Variants in PPP3CA observed in about 807,000 individuals in gnomAD.
The protein encoded by PPP3CA is CAM-PRP catalytic subunit.
A neutral mutation model predicts 66.5 loss-of-function variants in PPP3CA; 14 were observed. The ratio of observed to expected loss-of-function variants is 0.21; its 90% CI spans 0.14 to 0.33. The LOEUF (loss-of-function observed/expected upper bound fraction) is 0.33. PPP3CA is among the 10% of genes least tolerant of loss of function. PPP3CA has a pLI of 1.00. For missense variants in PPP3CA, 317 were observed against 639.5 expected, an observed-to-expected ratio of 0.50 and a Z score of 5.44; for synonymous variants, 232 against 226.2, an observed-to-expected ratio of 1.03 and a Z score of -0.23.
intron 1 of PPP3CA, among the ~76,000 whole-genome samples, chr4:101,332,831 G>T (rs1729432174): frequency 6.6e-6 from 1 of 152,178 alleles, no homozygotes; most frequent in African/African-American, 2.4e-5. Context: ...GAGGACAGAG[G>T]ATTTAAATAC....
chr4:101,082,073 G>T (rs949247101), intron 7 of PPP3CA, among the ~76,000 whole-genome samples: 1 of 152,206 alleles, frequency 6.6e-6, no homozygotes, highest in Non-Finnish European at 1.5e-5. Flanking sequence ...GGTAGGTAGT[G>T]CAATCAGGAT....
chr4:101,290,963 C>T (rs1728004278), intron 1 of PPP3CA, among the ~76,000 whole-genome samples: 1 of 152,182 alleles, frequency 6.6e-6, no homozygotes, highest in Admixed American at 6.5e-5. Flanking sequence ...TTGGTGTGAA[C>T]AGGCAAGGCT....
chr4:101,170,960 G>C (rs1293685350), intron 2 of PPP3CA: 2 of 273,856 alleles, frequency 7.3e-6, no homozygotes, highest in Non-Finnish European at 7.3e-6. Flanking sequence ...AATCATTTTG[G>C]TATTTTTTAA....
At chr4:101,228,363 A>G (rs1414605574) in intron 1 of PPP3CA, among the ~76,000 whole-genome samples, 2 of 151,602 alleles carry the variant, frequency 1.3e-5, no homozygotes, top group Non-Finnish European at 3.0e-5. Context: ...ACAATTCAAA[A>G]TTATGAACAC....
At chr4:101,281,223 G>A (rs1037991728) in intron 1 of PPP3CA, among the ~76,000 whole-genome samples, 2 of 152,252 alleles carry the variant, frequency 1.3e-5, no homozygotes, top group Non-Finnish European at 2.9e-5. Flanking sequence ...AAGAATGGGA[G>A]AAGAGCAATT....
Position 101,099,609 on chromosome 4 carries a change from A to T in PPP3CA, c.496+2T>A. On this transcript the variant is annotated splice_donor_variant, in intron 4 of 13. Transcript: ENST00000394854. LOFTEE classifies it high-confidence loss of function. ...AAAGGAAGGAGGTTGAAGTATACTT[A>T]CATTCTTGTTTAAATGTGAAATACT... 6.5e-7 allele frequency: 1 copy of T among 1,532,982 alleles called. No homozygotes were observed. Among genetic ancestry groups the T allele is most frequent in the Non-Finnish European group, 8.9e-7 (1 of 1,119,986 alleles). The allele number at this position is 1,532,982 out of a possible 1,614,324, so 95.0% of individuals were successfully genotyped here. A position where few individuals can be genotyped will look rare whatever the true frequency, so the allele number is the denominator to read the frequency against.
chr4:101,043,191 A>G (rs1468574607), intron 10 of PPP3CA, among the ~76,000 whole-genome samples: 1 of 152,164 alleles, frequency 6.6e-6, no homozygotes, highest in Non-Finnish European at 1.5e-5. Flanking sequence ...TGAGAGGAGG[A>G]ACATATAAAA....
rs1302833409 is a variant in PPP3CA at position 101,030,567 on chromosome 4, G to GA, written c.1340-1373dup. Among the ~76,000 whole-genome samples the GA allele has an allele frequency of 2.0e-5, 3 of 151,880 alleles. No homozygotes were observed. The East Asian group carries it at 5.8e-4, about 29-fold the overall frequency. ...GTGTTTGTGTGTAGGTTGAACCATA[G>GA]AAAAACACAAACCAATGGATTTAAA... On this transcript the variant is annotated intron_variant, in intron 12 of 13. Transcript: ENST00000394854.
At chr4:101,029,477 T>C (rs1726840243) in intron 12 of PPP3CA, among the ~76,000 whole-genome samples, 3 of 151,842 alleles carry the variant, frequency 2.0e-5, no homozygotes. Flanking sequence ...CAAACAACCC[T>C]TTAGGAAAAC....
intron 2 of PPP3CA, among the ~76,000 whole-genome samples, chr4:101,143,964 C>T (rs1222201966): frequency 3.3e-5 from 5 of 152,176 alleles, no homozygotes; most frequent in South Asian, 4.1e-4. Context: ...TATCAAGTCA[C>T]ATAAACCAGT....
chr4:101,035,791 ATC>A (rs1253488485), intron 11 of PPP3CA, among the ~76,000 whole-genome samples: 5 of 151,996 alleles, frequency 3.3e-5, no homozygotes, highest in African/African-American at 1.2e-4. Context: ...AATTCCAACT[ATC>A]TCTGCTGAAT....
chr4:101,341,243 G>C (rs1438592541), intron 1 of PPP3CA, among the ~76,000 whole-genome samples: 10 of 134,414 alleles, frequency 7.4e-5, no homozygotes, highest in Non-Finnish European at 6.2e-5. Flanking sequence ...GTCTTGCTAT[G>C]TTGCCCAAGC....
chr4:101,147,412 TG>T (rs1316718621), intron 2 of PPP3CA, among the ~76,000 whole-genome samples: 2 of 152,172 alleles, frequency 1.3e-5, no homozygotes, highest in African/African-American at 4.8e-5. Flanking sequence ...CTTGCTGTCA[TG>T]TATGATCAAA....
chr4:101,132,692 T>C (rs2732516), intron 2 of PPP3CA, among the ~76,000 whole-genome samples: 84,111 of 151,972 alleles, frequency 0.55, 25,890 homozygotes, highest in African/African-American at 0.82. Context: ...TGGTACCATT[T>C]CATGTGAAAA....
chr4:101,085,004 G>A (rs575093346), intron 6 of PPP3CA, among the ~76,000 whole-genome samples: 2 of 152,112 alleles, frequency 1.3e-5, no homozygotes, highest in South Asian at 2.1e-4. Context: ...GTGAATATAC[G>A]ACCTTTCCAG....
chr4:101,182,125 G>A (rs1273080692), intron 2 of PPP3CA, among the ~76,000 whole-genome samples: 1 of 152,026 alleles, frequency 6.6e-6, no homozygotes, highest in East Asian at 1.9e-4. Flanking sequence ...CAACTTTTAA[G>A]GTGATAGACT....
intron 1 of PPP3CA, among the ~76,000 whole-genome samples, chr4:101,238,815 A>T (rs1299642816): frequency 6.6e-6 from 1 of 152,074 alleles, no homozygotes; most frequent in African/African-American, 2.4e-5. Context: ...CCCTTCAACT[A>T]GCCTTCTCAG....
intron 12 of PPP3CA, 152 bp from the exon 13 acceptor site, chr4:101,029,347 T>TAAAAAAAAAAAAAAAACAAAAAAAAAAAA (rs1726817508): frequency 1.3e-5 from 1 of 78,822 alleles, no homozygotes; most frequent in African/African-American, 7.1e-5. Context: ...ACAGAAATGC[T>TAAAAAAAAAAAAAAAACAAAAAAAAAAAA]AAAAAAAAAA....
intron 10 of PPP3CA, among the ~76,000 whole-genome samples, chr4:101,054,121 T>A (rs1728125536): frequency 6.6e-6 from 1 of 151,716 alleles, no homozygotes. Context: ...TCTAAATGGG[T>A]TTTTTTTCTA....
Sources: allele counts gnomAD v4.1 joint callset (sites outside exome capture counted in the v4.1 genomes callset), GRCh38; gene constraint gnomAD v4.1.1; transcripts MANE v1.5; gene names NCBI Gene and HGNC (gene_info 2026-07-23, HGNC 2026-07-21).